Variants in PPP2R3A observed in about 807,000 individuals in gnomAD.
PPP2R3A encodes protein phosphatase 2 regulatory subunit B''alpha.
In PPP2R3A, 80 loss-of-function variants were observed where a neutral mutation model predicts 106.9. The observed-to-expected ratio is 0.75, with a 90% CI of 0.62 to 0.90. PPP2R3A has a LOEUF of 0.90. Among genes scored for constraint, PPP2R3A ranks in the 40% least tolerant of loss-of-function variants. The pLI is 0.00. For missense variants in PPP2R3A, 1,386 were observed against 1,350.4 expected, an observed-to-expected ratio of 1.03 and a Z score of -0.41; for synonymous variants, 483 against 468.3, an observed-to-expected ratio of 1.03 and a Z score of -0.41.
intron 6 of PPP2R3A, among the ~76,000 whole-genome samples, chr3:136,075,223 G>T (rs1936556541): frequency 6.6e-6 from 1 of 152,150 alleles, no homozygotes; most frequent in Non-Finnish European, 1.5e-5. Context: ...GTTGACTAAA[G>T]ATCCCTTGGT....
chr3:136,003,330 G>T lies in PPP2R3A; in HGVS notation c.1832G>T (p.Ser611Ile). 6.2e-7 allele frequency: 1 copy of T among 1,613,978 alleles called. No individual in the cohort carries two copies. The highest frequency in any genetic ancestry group is 8.5e-7 in the Non-Finnish European group (1 of 1,179,934). The change falls in exon 2 of 14, where the codon AGC becomes ATC. Residue 611 changes from serine (S) to isoleucine (I), a missense_variant. Coordinates refer to ENST00000264977, the MANE Select transcript of PPP2R3A (RefSeq NM_002718.5). ...CAAGAACTAGTTGAATGCAAATCAA[G>T]CAGAGGGAGCCTATCACAAGAAAAG... The part of the protein sequence containing the change: ...FAQELVECKS[S>I]RGSLSQEKEM...
intron 1 of PPP2R3A, among the ~76,000 whole-genome samples, chr3:135,986,612 C>T (rs1272916710): frequency 6.6e-6 from 1 of 152,078 alleles, no homozygotes; most frequent in Non-Finnish European, 1.5e-5. Flanking sequence ...TCTTCGCTCT[C>T]AACTGATGGC....
At chr3:136,042,970 A>ATT (rs10707670) in intron 4 of PPP2R3A, among the ~76,000 whole-genome samples, 3 of 148,088 alleles carry the variant, frequency 2.0e-5, no homozygotes, top group Admixed American at 6.8e-5. Flanking sequence ...TAGTTTTGTA[A>ATT]TTTTTTTTTT....
intron 13 of PPP2R3A, among the ~76,000 whole-genome samples, chr3:136,130,497 A>G (rs929793470): frequency 7.2e-5 from 11 of 152,206 alleles, no homozygotes; most frequent in African/African-American, 1.9e-4. Context: ...TCACTGCTCA[A>G]TGAAATAAAA....
At chr3:135,976,357 C>G (rs1171506758) in intron 1 of PPP2R3A, among the ~76,000 whole-genome samples, 1 of 152,070 alleles carries the variant, frequency 6.6e-6, no homozygotes. Context: ...CATCATAAAC[C>G]ATCAGGACCG....
At position 135,995,518 on chromosome 3, in the gene PPP2R3A, G is replaced by A. The variant is rs543634502; in HGVS notation, c.-440-5541G>A. Among the ~76,000 whole-genome samples the A allele has an allele frequency of 7.4e-5, 10 of 135,130 alleles. No individual in the cohort carries two copies. In the East Asian group the frequency reaches 1.1e-3, roughly 15 times the overall value. The allele number at this position is 135,130 out of a possible 152,430, so 88.7% of individuals were successfully genotyped here. A position where few individuals can be genotyped will look rare whatever the true frequency, so the allele number is the denominator to read the frequency against. On this transcript the variant is annotated intron_variant, in intron 1 of 13. Coordinates refer to ENST00000264977, the MANE Select transcript of PPP2R3A (RefSeq NM_002718.5). ...TGCCCAGACTGGAGTGCAATGGCAC[G>A]ATCTCGGCTCACTGCAGCCTTAGAC...
intron 2 of PPP2R3A, among the ~76,000 whole-genome samples, chr3:136,008,278 T>G (rs768959425): frequency 1.2e-4 from 19 of 152,200 alleles, no homozygotes; most frequent in Non-Finnish European, 2.4e-4. Context: ...TTGTAGGTGC[T>G]CATGGTGCCT....
At chr3:136,035,263 T>C (rs1935047227) in intron 3 of PPP2R3A, among the ~76,000 whole-genome samples, 1 of 152,208 alleles carries the variant, frequency 6.6e-6, no homozygotes, top group Admixed American at 6.5e-5. Flanking sequence ...ATGCTATTTG[T>C]TTCCTGTATA....
chr3:136,099,612 C>T (rs1937306901), intron 10 of PPP2R3A, among the ~76,000 whole-genome samples: 1 of 151,484 alleles, frequency 6.6e-6, no homozygotes, highest in African/African-American at 2.4e-5. Flanking sequence ...GAAAGAAACC[C>T]CCTCCCCCAA....
chr3:136,001,830 A>T lies in PPP2R3A; in HGVS notation c.332A>T (p.Asp111Val). The T allele has an allele frequency of 1.2e-6, 2 of 1,614,194 alleles. No homozygotes were observed. The highest frequency in any genetic ancestry group is 1.7e-6 in the Non-Finnish European group (2 of 1,180,024). The change falls in exon 2 of 14, where the codon GAT (aspartate) becomes GTT (valine). Residue 111 changes from aspartate (D) to valine (V), a missense_variant. By Grantham distance (152) the Asp-to-Val change is radical (BLOSUM62 -3). Coordinates refer to ENST00000264977, the MANE Select transcript of PPP2R3A (RefSeq NM_002718.5). ...TTTCAGAATACCTACAACTTAAAGG[A>T]TATTGCAGGAGAAGCAATCAGTTTT... ...STFQNTYNLKDIAGEAISFAS... is the reference protein window; with the variant it reads ...STFQNTYNLKVIAGEAISFAS...
chr3:136,108,859 C>T (rs1203628978), intron 13 of PPP2R3A, among the ~76,000 whole-genome samples: 1 of 151,980 alleles, frequency 6.6e-6, no homozygotes, highest in African/African-American at 2.4e-5. Flanking sequence ...AATTTTAGAC[C>T]AAGCCAAGAT....
At chr3:135,976,588 G>A (rs937112638) in intron 1 of PPP2R3A, among the ~76,000 whole-genome samples, 1 of 152,038 alleles carries the variant, frequency 6.6e-6, no homozygotes, top group Non-Finnish European at 1.5e-5. Flanking sequence ...TAAACTCTAG[G>A]TAAATAAACT....
intron 5 of PPP2R3A, among the ~76,000 whole-genome samples, chr3:136,070,032 CT>C (rs1371260951): frequency 1.3e-5 from 2 of 151,406 alleles, no homozygotes; most frequent in East Asian, 3.9e-4. Flanking sequence ...TACATGGCTG[CT>C]TTTTTTTTCC....
chr3:136,140,407 C>G (rs1474223716), intron 13 of PPP2R3A, among the ~76,000 whole-genome samples: 2 of 146,350 alleles, frequency 1.4e-5, no homozygotes, highest in Admixed American at 6.9e-5. Flanking sequence ...GATCATGCCA[C>G]TGTACTCCAG....
At chr3:136,089,840 T>A (rs1411568209) in intron 9 of PPP2R3A, among the ~76,000 whole-genome samples, 1 of 152,156 alleles carries the variant, frequency 6.6e-6, no homozygotes, top group East Asian at 1.9e-4. Flanking sequence ...GCTGTATTCC[T>A]AGGTATTTTA....
intron 13 of PPP2R3A, among the ~76,000 whole-genome samples, chr3:136,112,448 T>C (rs1937607274): frequency 6.6e-6 from 1 of 152,060 alleles, no homozygotes; most frequent in Admixed American, 6.6e-5. Context: ...GGTTTCAGGA[T>C]ACAAAATCAG....
At chr3:135,985,029 A>G (rs1312140467) in intron 1 of PPP2R3A, among the ~76,000 whole-genome samples, 1 of 152,066 alleles carries the variant, frequency 6.6e-6, no homozygotes, top group Non-Finnish European at 1.5e-5. Context: ...ATCATCTTCC[A>G]CCATCTCCCT....
chr3:136,054,899 A>G (rs1039924446), intron 5 of PPP2R3A, among the ~76,000 whole-genome samples: 1 of 152,198 alleles, frequency 6.6e-6, no homozygotes, highest in Non-Finnish European at 1.5e-5. Context: ...TACTCACTAT[A>G]TAATTCGGTT....
chr3:136,060,025 A>G (rs1936022382), intron 5 of PPP2R3A, among the ~76,000 whole-genome samples: 1 of 152,170 alleles, frequency 6.6e-6, no homozygotes, highest in Admixed American at 6.5e-5. Context: ...AAAAATAACT[A>G]ATAGTTAATG....
Sources: allele counts gnomAD v4.1 joint callset (sites outside exome capture counted in the v4.1 genomes callset), GRCh38; gene constraint gnomAD v4.1.1; transcripts MANE v1.5; gene names NCBI Gene and HGNC (gene_info 2026-07-23, HGNC 2026-07-21).